Variants in MAPK4 observed in about 807,000 individuals in gnomAD.
The protein encoded by MAPK4 is mitogen-activated protein kinase 4, also known as Erk3-related.
A neutral mutation model predicts 47.7 loss-of-function variants in MAPK4; 22 were observed. The observed-to-expected ratio is 0.46, with a 90% confidence interval of 0.33 to 0.66. The LOEUF is 0.66. Ranked by LOEUF, MAPK4 falls within the 30% of genes least tolerant of loss-of-function variation. The pLI is 0.02. For synonymous variants in MAPK4, 390 were observed against 365.7 expected (o/e 1.07, Z -0.76); for missense variants, 736 against 831.7 (o/e 0.88, Z 1.42).
At chr18:50,665,929 C>A (rs554895389) in intron 2 of MAPK4, among the ~76,000 whole-genome samples, 1 of 152,336 alleles carries the variant, frequency 6.6e-6, no homozygotes, top group East Asian at 1.9e-4. Context: ...CCTTGAACTG[C>A]TTCTTTTTTC....
At chr18:50,580,047 C>A (rs1473579278) in intron 1 of MAPK4, among the ~76,000 whole-genome samples, 2 of 152,170 alleles carry the variant, frequency 1.3e-5, no homozygotes, top group African/African-American at 4.8e-5. Flanking sequence ...CCAAGAAGCT[C>A]TTGAGGAAAT....
intron 5 of MAPK4, among the ~76,000 whole-genome samples, chr18:50,727,377 C>T (rs537026726): frequency 6.6e-6 from 1 of 152,204 alleles, no homozygotes; most frequent in Non-Finnish European, 1.5e-5. Context: ...AGTCATTTGA[C>T]AGATGATGGG....
intron 1 of MAPK4, among the ~76,000 whole-genome samples, chr18:50,628,242 A>G (rs1457240086): frequency 6.6e-6 from 1 of 152,228 alleles, no homozygotes; most frequent in Non-Finnish European, 1.5e-5. Context: ...ATGTGTACAA[A>G]TCATGAAGTA....
intron 2 of MAPK4, chr18:50,704,926 T>A (rs1909973834): frequency 2.5e-6 from 1 of 397,168 alleles, no homozygotes; most frequent in East Asian, 3.6e-5. Context: ...TCAAAAGTGC[T>A]TTTGGACTCA....
intron 1 of MAPK4, among the ~76,000 whole-genome samples, chr18:50,657,691 C>T (rs1329212021): frequency 6.6e-6 from 1 of 151,726 alleles, no homozygotes; most frequent in Non-Finnish European, 1.5e-5. Context: ...GAGACACTTT[C>T]AGATGTCACA....
intron 2 of MAPK4, among the ~76,000 whole-genome samples, chr18:50,674,462 C>A (rs1434550048): frequency 6.6e-5 from 10 of 152,170 alleles, no homozygotes; most frequent in Non-Finnish European, 1.3e-4. Flanking sequence ...CAGTCTCACA[C>A]ATCTGTGAGC....
intron 1 of MAPK4, among the ~76,000 whole-genome samples, chr18:50,654,078 T>C (rs1252457445): frequency 6.6e-6 from 1 of 152,206 alleles, no homozygotes; most frequent in Non-Finnish European, 1.5e-5. Context: ...AAGTAGTATA[T>C]ACGGCACACA....
chr18:50,700,919 C>T (rs562706398), intron 2 of MAPK4, among the ~76,000 whole-genome samples: 11 of 151,916 alleles, frequency 7.2e-5, no homozygotes, highest in African/African-American at 1.7e-4. Context: ...TTCTGGTGGC[C>T]GAAATTCTCA....
At position 50,646,942 on chromosome 18, in the gene MAPK4, G is replaced by A. The variant is rs149515734; in HGVS notation, c.-870-16147G>A. ...AAGTAATGGTCTCCTTGCTACCTCC[G>A]TCCTGTACTTTTCCATCATATACTT... is the stretch of plus-strand genomic sequence containing the variant. On this transcript the variant is annotated intron_variant, in intron 1 of 5. Coordinates refer to ENST00000400384, the MANE Select transcript of MAPK4 (RefSeq NM_002747.4). 2.9e-3 allele frequency among the ~76,000 whole-genome samples: 447 copies of A among 152,136 alleles called. 3 individuals are homozygous for A. The highest frequency in any genetic ancestry group is 0.01 in the African/African-American group (423 of 41,478).
intron 1 of MAPK4, among the ~76,000 whole-genome samples, chr18:50,591,748 G>A (rs2042438180): frequency 6.6e-6 from 1 of 151,850 alleles, no homozygotes; most frequent in South Asian, 2.1e-4. Context: ...TAAGTGAATT[G>A]CTCAAGGTCA....
At chr18:50,695,835 A>T (rs1909486099) in intron 2 of MAPK4, among the ~76,000 whole-genome samples, 1 of 152,242 alleles carries the variant, frequency 6.6e-6, no homozygotes, top group African/African-American at 2.4e-5. Context: ...ACATCTATTC[A>T]GAGCTGGGAG....
intron 1 of MAPK4, among the ~76,000 whole-genome samples, chr18:50,635,378 T>C (rs554603943): frequency 1.3e-5 from 2 of 152,270 alleles, no homozygotes; most frequent in South Asian, 4.2e-4. Flanking sequence ...TTTGACATGC[T>C]GAATCTCTCT....
intron 1 of MAPK4, among the ~76,000 whole-genome samples, chr18:50,612,630 G>A (rs983926924): frequency 2.0e-5 from 3 of 152,108 alleles, no homozygotes; most frequent in Non-Finnish European, 1.5e-5. Context: ...GTTTTTTCTT[G>A]CCAGCAGGGA....
At chr18:50,603,125 G>C (rs2042554353) in intron 1 of MAPK4, among the ~76,000 whole-genome samples, 1 of 152,134 alleles carries the variant, frequency 6.6e-6, no homozygotes, top group Non-Finnish European at 1.5e-5. Context: ...GCAAGAACCT[G>C]GCAAGCAGAT....
chr18:50,624,446 GC>G (rs33916336), intron 1 of MAPK4, among the ~76,000 whole-genome samples: 5,945 of 152,254 alleles, frequency 0.039, 350 homozygotes, highest in African/African-American at 0.13. Context: ...ATGCTGTGGA[GC>G]TATTCCATGA....
intron 1 of MAPK4, among the ~76,000 whole-genome samples, chr18:50,616,869 T>A (rs2042689350): frequency 6.6e-6 from 1 of 152,290 alleles, no homozygotes; most frequent in Admixed American, 6.5e-5. Context: ...GTTCCCTGAC[T>A]CAAATGTTAA....
At chr18:50,657,413 T>C (rs1173469567) in intron 1 of MAPK4, among the ~76,000 whole-genome samples, 1 of 152,104 alleles carries the variant, frequency 6.6e-6, no homozygotes, top group East Asian at 1.9e-4. Flanking sequence ...CCAGCAATAG[T>C]ATATGGTACA....
At chr18:50,686,735 C>T (rs1201771975) in intron 2 of MAPK4, among the ~76,000 whole-genome samples, 1 of 152,194 alleles carries the variant, frequency 6.6e-6, no homozygotes, top group African/African-American at 2.4e-5. Flanking sequence ...CCTTGTGGTA[C>T]TCACGGCCAT....
upstream of MAPK4, among the ~76,000 whole-genome samples, chr18:50,559,838 C>A (rs2042135254): frequency 6.6e-6 from 1 of 151,526 alleles, no homozygotes; most frequent in Non-Finnish European, 1.5e-5. Context: ...GGGCTCGGCT[C>A]CCCAGGTGAG....
Sources: allele counts gnomAD v4.1 joint callset (sites outside exome capture counted in the v4.1 genomes callset), GRCh38; gene constraint gnomAD v4.1.1; transcripts MANE v1.5; gene names NCBI Gene and HGNC (gene_info 2026-07-23, HGNC 2026-07-21).